Variants in MLLT3 observed in about 807,000 individuals in gnomAD.
MLLT3 encodes protein AF-9.
Under a neutral mutation model 53.2 loss-of-function variants are expected in MLLT3, and 4 were observed. The ratio of observed to expected loss-of-function variants is 0.08; its 90% CI spans 0.04 to 0.17. The LOEUF (loss-of-function observed/expected upper bound fraction) is 0.17, where lower values mean the gene tolerates loss of function less well. Ranked by LOEUF, MLLT3 falls within the 10% of genes least tolerant of loss-of-function variation. The pLI is 1.00. For synonymous variants in MLLT3, 283 were observed against 230.6 expected (o/e 1.23, Z -2.06); for missense variants, 569 against 684.0 (o/e 0.83, Z 1.87).
At chr9:20,539,981 G>A (rs1358597338) in intron 2 of MLLT3, among the ~76,000 whole-genome samples, 2 of 152,146 alleles carry the variant, frequency 1.3e-5, no homozygotes, top group African/African-American at 4.8e-5. Context: ...ATTCCAAAAG[G>A]GAAAAAGTGC....
At chr9:20,586,494 G>A (rs963961906) in intron 2 of MLLT3, among the ~76,000 whole-genome samples, 1 of 152,054 alleles carries the variant, frequency 6.6e-6, no homozygotes, top group African/African-American at 2.4e-5. Flanking sequence ...AATCACTGGG[G>A]GGCTTAGGGG....
intron 2 of MLLT3, among the ~76,000 whole-genome samples, chr9:20,468,471 C>T (rs2118883332): frequency 6.6e-6 from 1 of 152,172 alleles, no homozygotes; most frequent in East Asian, 1.9e-4. Flanking sequence ...CCCAAGTGAG[C>T]ACATATTGTG....
intron 2 of MLLT3, among the ~76,000 whole-genome samples, chr9:20,530,908 G>C (rs898074117): frequency 2.0e-5 from 3 of 152,026 alleles, no homozygotes; most frequent in African/African-American, 7.3e-5. Flanking sequence ...TGGGATTACA[G>C]GTGTGAGCCA....
chr9:20,558,341 C>T (rs1819114598), intron 2 of MLLT3, among the ~76,000 whole-genome samples: 1 of 152,098 alleles, frequency 6.6e-6, no homozygotes, highest in African/African-American at 2.4e-5. Context: ...CCATGTTGGC[C>T]AGGCTGATCT....
chr9:20,590,617 T>C (rs1820104220), intron 2 of MLLT3, among the ~76,000 whole-genome samples: 1 of 152,216 alleles, frequency 6.6e-6, no homozygotes, highest in Non-Finnish European at 1.5e-5. Flanking sequence ...GATTGTAAGT[T>C]TCCTGAGGCC....
chr9:20,514,939 ATTTTTTTTTTT>A (rs35816235), intron 2 of MLLT3, among the ~76,000 whole-genome samples: 2 of 88,734 alleles, frequency 2.3e-5, no homozygotes, highest in African/African-American at 5.0e-5. Flanking sequence ...TGAAGGAACA[ATTTTTTTTTTT>A]TTTTTTTTTT....
At position 20,344,779 on chromosome 9, in the gene MLLT3, A is replaced by C. The variant is rs1587133412; in HGVS notation, c.*1664T>G. ...TCAATCTGCATTTATATAACTGCCC[A>C]AAAGAATGGGTCTGGAAAGACCATT... On this transcript the variant is annotated 3_prime_UTR_variant, in exon 11 of 11. Transcript: ENST00000380338. The C allele has an allele frequency of 9.6e-6, 2 of 207,498 alleles. No homozygotes were observed. Among genetic ancestry groups the C allele is most frequent in the East Asian group, 1.5e-4 (2 of 13,672 alleles). The allele number at this position is 207,498 out of a possible 1,614,324, so 12.9% of individuals were successfully genotyped here. A position where few individuals can be genotyped will look rare whatever the true frequency, so the allele number is the denominator to read the frequency against.
chr9:20,364,777 T>C (rs1821408530), intron 6 of MLLT3, among the ~76,000 whole-genome samples: 1 of 152,230 alleles, frequency 6.6e-6, no homozygotes, highest in African/African-American at 2.4e-5. Flanking sequence ...GTGTGGTCAT[T>C]GAAAAAGGTA....
intron 2 of MLLT3, among the ~76,000 whole-genome samples, chr9:20,537,858 T>C (rs1376752749): frequency 6.6e-6 from 1 of 152,244 alleles, no homozygotes; most frequent in Non-Finnish European, 1.5e-5. Context: ...TCATAGTTTA[T>C]GCTGTCCAAA....
chr9:20,616,113 C>CTTAA (rs1230147488), intron 2 of MLLT3, among the ~76,000 whole-genome samples: 1 of 152,080 alleles, frequency 6.6e-6, no homozygotes, highest in African/African-American at 2.4e-5. Context: ...GTAAAAGGAT[C>CTTAA]TTAAGCCCAA....
intron 2 of MLLT3, among the ~76,000 whole-genome samples, chr9:20,565,936 ATT>A (rs559359937): frequency 0.083 from 1,073 of 12,962 alleles, 37 homozygotes; most frequent in African/African-American, 0.23. Context: ...ATATATATAT[ATT>A]TATATATATA....
At chr9:20,402,469 T>A (rs903829497) in intron 5 of MLLT3, among the ~76,000 whole-genome samples, 2 of 152,216 alleles carry the variant, frequency 1.3e-5, no homozygotes, top group East Asian at 3.8e-4. Flanking sequence ...CAGAGTCAGA[T>A]ACTGAAGAAC....
intron 2 of MLLT3, among the ~76,000 whole-genome samples, chr9:20,493,747 G>A (rs770348619): frequency 7.2e-5 from 11 of 151,930 alleles, no homozygotes; most frequent in Non-Finnish European, 1.2e-4. Context: ...ATGAAAAATA[G>A]GATAATTACA....
chr9:20,375,885 G>A (rs1413593580), intron 5 of MLLT3, among the ~76,000 whole-genome samples: 1 of 152,068 alleles, frequency 6.6e-6, no homozygotes, highest in African/African-American at 2.4e-5. Flanking sequence ...TGGGATTACA[G>A]GCCTGAGCCA....
intron 5 of MLLT3, among the ~76,000 whole-genome samples, chr9:20,399,281 T>A (rs1239638771): frequency 6.6e-6 from 1 of 152,098 alleles, no homozygotes; most frequent in Admixed American, 6.6e-5. Flanking sequence ...TAGACATGCA[T>A]CAATTACTTA....
At chr9:20,370,420 CT>C (rs1402345171) in intron 5 of MLLT3, among the ~76,000 whole-genome samples, 1 of 152,018 alleles carries the variant, frequency 6.6e-6, no homozygotes, top group Admixed American at 6.5e-5. Context: ...CTCCTTGGGT[CT>C]CCCTATTCCC....
At chr9:20,542,030 G>A (rs1213619648) in intron 2 of MLLT3, among the ~76,000 whole-genome samples, 1 of 152,070 alleles carries the variant, frequency 6.6e-6, no homozygotes, top group Non-Finnish European at 1.5e-5. Flanking sequence ...ACTTTACCCA[G>A]TTCTATCAGA....
intron 2 of MLLT3, among the ~76,000 whole-genome samples, chr9:20,571,826 T>C (rs1819540044): frequency 6.6e-6 from 1 of 152,242 alleles, no homozygotes; most frequent in Non-Finnish European, 1.5e-5. Context: ...CACAATAAGA[T>C]ATCATTTCAC....
At chr9:20,581,669 T>C (rs1819795853) in intron 2 of MLLT3, among the ~76,000 whole-genome samples, 1 of 152,310 alleles carries the variant, frequency 6.6e-6, no homozygotes, top group Non-Finnish European at 1.5e-5. Context: ...CCATCCACAG[T>C]TGATGAAGCA....
Sources: allele counts gnomAD v4.1 joint callset (sites outside exome capture counted in the v4.1 genomes callset), GRCh38; gene constraint gnomAD v4.1.1; transcripts MANE v1.5; gene names NCBI Gene and HGNC (gene_info 2026-07-23, HGNC 2026-07-21).